Variants in MYO16 observed in about 807,000 individuals in gnomAD.
The protein encoded by MYO16 is unconventional myosin-XVI.
In MYO16, 94 loss-of-function variants were observed where a neutral mutation model predicts 205.3. The observed-to-expected ratio is 0.46, with a 90% CI of 0.39 to 0.54. The LOEUF is 0.54. MYO16 is among the 20% of genes least tolerant of loss of function. The pLI, the probability that MYO16 is intolerant of heterozygous loss-of-function variation, is 0.00. For missense variants in MYO16, 2,315 were observed against 2,387.5 expected (o/e 0.97, Z 0.63); for synonymous variants, 988 against 954.0 (o/e 1.04, Z -0.66).
chr13:108,893,577 G>T (rs1039609963), intron 14 of MYO16, among the ~76,000 whole-genome samples: 10 of 152,148 alleles, frequency 6.6e-5, no homozygotes, highest in Admixed American at 6.6e-4. Context: ...GAACAGCCTT[G>T]ATTTATGGAG....
chr13:108,818,977 A>C (rs1009473660), intron 7 of MYO16, among the ~76,000 whole-genome samples: 1 of 152,196 alleles, frequency 6.6e-6, no homozygotes, highest in African/African-American at 2.4e-5. Flanking sequence ...ATTAAGTAGA[A>C]CGTAGAGCAG....
chr13:108,663,611 C>A lies in MYO16; in HGVS notation c.29-2275C>A, dbSNP rs139088100. Among the ~76,000 whole-genome samples the A allele has an allele frequency of 3.1e-3, 477 of 152,206 alleles. 3 individuals are homozygous for A. The highest frequency in any genetic ancestry group is 7.1e-3 in the Admixed American group (109 of 15,288). Reference sequence around the variant, plus strand: ...GAAAATAAGAAAATTGATTTAAGAGCCACCCTCTACATTCCCTCTTGACAG... The same window carrying A: ...GAAAATAAGAAAATTGATTTAAGAGACACCCTCTACATTCCCTCTTGACAG... On this transcript the variant is annotated intron_variant, in intron 1 of 34. Coordinates refer to ENST00000457511, the MANE Select transcript of MYO16 (RefSeq NM_001198950.3).
At chr13:109,023,670 A>T (rs939709902) in intron 23 of MYO16, among the ~76,000 whole-genome samples, 3 of 64,884 alleles carry the variant, frequency 4.6e-5, no homozygotes, top group Non-Finnish European at 6.4e-5. Flanking sequence ...TATATATGCA[A>T]ATATATGTAT....
chr13:109,074,618 C>G (rs1888030859), intron 27 of MYO16, among the ~76,000 whole-genome samples: 1 of 152,114 alleles, frequency 6.6e-6, no homozygotes, highest in Admixed American at 6.6e-5. Flanking sequence ...ATCAGGGGAA[C>G]AGCATGGGGA....
intron 14 of MYO16, among the ~76,000 whole-genome samples, chr13:108,891,330 CT>C (rs1235969381): frequency 6.6e-6 from 1 of 152,138 alleles, no homozygotes; most frequent in Non-Finnish European, 1.5e-5. Context: ...ACCTCTCTTC[CT>C]TTTTATACAA....
chr13:108,756,222 G>GA (rs113747296), intron 4 of MYO16, among the ~76,000 whole-genome samples: 4 of 151,488 alleles, frequency 2.6e-5, no homozygotes, highest in Admixed American at 6.6e-5. Context: ...TTTTTCAGTA[G>GA]AAAAAAATGC....
At chr13:108,948,981 C>A (rs1015267925) in intron 16 of MYO16, among the ~76,000 whole-genome samples, 2 of 152,162 alleles carry the variant, frequency 1.3e-5, no homozygotes, top group African/African-American at 2.4e-5. Flanking sequence ...GTTGTCAGGA[C>A]AATAAACAAG....
intron 7 of MYO16, among the ~76,000 whole-genome samples, chr13:108,808,234 T>G (rs187142740): frequency 2.0e-5 from 3 of 151,644 alleles, no homozygotes; most frequent in East Asian, 3.9e-4. Flanking sequence ...GAGTCCTCTA[T>G]GAAAACTAGG....
chr13:109,022,876 T>A, intron 23 of MYO16, among the ~76,000 whole-genome samples: 1 of 135,980 alleles, frequency 7.4e-6, no homozygotes, highest in Non-Finnish European at 1.5e-5. Context: ...TAAACATGTA[T>A]ATATTTATTA....
intron 10 of MYO16, among the ~76,000 whole-genome samples, chr13:108,849,541 G>GTGTGTGTT (rs1324370718): frequency 6.7e-6 from 1 of 149,038 alleles, no homozygotes; most frequent in Non-Finnish European, 1.5e-5. Context: ...GTGTGTGTGT[G>GTGTGTGTT]TGTGTGTGTG....
At chr13:108,836,772 C>T (rs1243600861) in intron 9 of MYO16, among the ~76,000 whole-genome samples, 3 of 152,014 alleles carry the variant, frequency 2.0e-5, no homozygotes, top group Non-Finnish European at 2.9e-5. Flanking sequence ...GGGCCTGTAC[C>T]CCTTTCTTTT....
the MYO16 span, among the ~76,000 whole-genome samples, chr13:108,510,458 G>T: frequency 8.4e-5 from 3 of 35,742 alleles, no homozygotes; most frequent in Admixed American, 3.7e-4. Flanking sequence ...AACATTGATA[G>T]CTGTTTTTTT....
chr13:109,115,934 CCAAA>C (rs2139749360), intron 28 of MYO16, among the ~76,000 whole-genome samples: 1 of 149,586 alleles, frequency 6.7e-6, no homozygotes, highest in South Asian at 2.2e-4. Context: ...TTCAGAAAGA[CCAAA>C]CATTTACTAC....
intron 16 of MYO16, among the ~76,000 whole-genome samples, chr13:108,911,396 G>C (rs1208228115): frequency 6.6e-6 from 1 of 152,082 alleles, no homozygotes; most frequent in Non-Finnish European, 1.5e-5. Flanking sequence ...CGTTAATCGA[G>C]AGCCTCCTAC....
chr13:108,686,968 T>G (rs1882703499), intron 2 of MYO16, among the ~76,000 whole-genome samples: 1 of 152,180 alleles, frequency 6.6e-6, no homozygotes, highest in Non-Finnish European at 1.5e-5. Flanking sequence ...AACGGCTGCT[T>G]ACCCCATCAG....
intron 34 of MYO16, among the ~76,000 whole-genome samples, chr13:109,186,100 AG>A (rs1202227036): frequency 6.6e-6 from 1 of 152,162 alleles, no homozygotes; most frequent in Non-Finnish European, 1.5e-5. Flanking sequence ...CAGGAGACTG[AG>A]GCTGCAGTGA....
chr13:108,537,772 A>T, the MYO16 span, among the ~76,000 whole-genome samples: 1 of 151,824 alleles, frequency 6.6e-6, no homozygotes, highest in African/African-American at 2.4e-5. Context: ...GATGCTGATA[A>T]TTTTTTTCCT....
At chr13:109,036,637 T>C (rs113392009) in intron 23 of MYO16, among the ~76,000 whole-genome samples, 5 of 152,174 alleles carry the variant, frequency 3.3e-5, no homozygotes, top group African/African-American at 1.2e-4. Context: ...AGTTATTTTA[T>C]TGAACAGAAT....
At chr13:108,825,521 C>T (rs1293680786) in intron 9 of MYO16, among the ~76,000 whole-genome samples, 2 of 151,922 alleles carry the variant, frequency 1.3e-5, no homozygotes, top group Non-Finnish European at 2.9e-5. Flanking sequence ...AGAGTGTCTG[C>T]TGTCACCAGC....
Sources: allele counts gnomAD v4.1 joint callset (sites outside exome capture counted in the v4.1 genomes callset), GRCh38; gene constraint gnomAD v4.1.1; transcripts MANE v1.5; gene names NCBI Gene and HGNC (gene_info 2026-07-23, HGNC 2026-07-21).